RAP1A: variants seen among roughly 807,000 people sequenced by gnomAD.
RAP1A encodes RAP1A, member of RAS oncogene family.
RAP1A carries 6 observed loss-of-function variants against 26.4 expected under a neutral mutation model. That is an observed-to-expected ratio of 0.23 (90% CI 0.12 to 0.45). The LOEUF (loss-of-function observed/expected upper bound fraction) is 0.45. Ranked by LOEUF, RAP1A falls within the 20% of genes least tolerant of loss-of-function variation. The pLI is 0.99. For synonymous variants in RAP1A, 73 were observed against 79.4 expected (o/e 0.92, Z 0.43); for missense variants, 121 against 217.2 (o/e 0.56, Z 2.78).
chr1:111,641,730 A>G (rs1057203307), intron 1 of RAP1A, among the ~76,000 whole-genome samples: 1 of 152,100 alleles, frequency 6.6e-6, no homozygotes, highest in African/African-American at 2.4e-5. Context: ...TTATTCTAGT[A>G]TTGGTTCATC....
intron 1 of RAP1A, among the ~76,000 whole-genome samples, chr1:111,552,910 T>G (rs1657327538): frequency 6.6e-6 from 1 of 152,260 alleles, no homozygotes; most frequent in African/African-American, 2.4e-5. Context: ...TGTTAGGCAC[T>G]AAATGCATCC....
At chr1:111,552,302 C>T (rs1657295611) in intron 1 of RAP1A, among the ~76,000 whole-genome samples, 1 of 152,158 alleles carries the variant, frequency 6.6e-6, no homozygotes, top group South Asian at 2.1e-4. Flanking sequence ...CTTCAAGTGG[C>T]TATCTGCCAC....
intron 1 of RAP1A, among the ~76,000 whole-genome samples, chr1:111,664,384 A>C (rs545637506): frequency 8.7e-5 from 13 of 149,680 alleles, no homozygotes; most frequent in Admixed American, 4.6e-4. Flanking sequence ...AAAAAAAAAA[A>C]AAAAAAAAAA....
chr1:111,660,758 C>T (rs996760174), intron 1 of RAP1A, among the ~76,000 whole-genome samples: 2 of 152,176 alleles, frequency 1.3e-5, no homozygotes, highest in African/African-American at 4.8e-5. Context: ...GCCTAAAAGC[C>T]TGTATTTAGC....
chr1:111,569,642 G>A (rs1658008259), intron 1 of RAP1A, among the ~76,000 whole-genome samples: 3 of 151,958 alleles, frequency 2.0e-5, no homozygotes, highest in South Asian at 4.2e-4. Context: ...TTATGTTTCT[G>A]GGGTTCACTT....
At chr1:111,590,630 G>T in intron 1 of RAP1A, among the ~76,000 whole-genome samples, 1 of 146,518 alleles carries the variant, frequency 6.8e-6, no homozygotes, top group African/African-American at 2.5e-5. Flanking sequence ...TCATTTTGTT[G>T]CCCAGGTTGG....
At chr1:111,680,055 C>T (rs1362736605) in intron 1 of RAP1A, among the ~76,000 whole-genome samples, 4 of 152,168 alleles carry the variant, frequency 2.6e-5, no homozygotes, top group Admixed American at 2.6e-4. Flanking sequence ...GGACAGACTG[C>T]CTCCTTAAGT....
chr1:111,638,251 A>G (rs1397543443), intron 1 of RAP1A, among the ~76,000 whole-genome samples: 1 of 152,152 alleles, frequency 6.6e-6, no homozygotes, highest in Non-Finnish European at 1.5e-5. Context: ...GCTGTATGAT[A>G]CATAGTAATT....
At chr1:111,555,939 T>G (rs1052258148) in intron 1 of RAP1A, among the ~76,000 whole-genome samples, 1 of 152,066 alleles carries the variant, frequency 6.6e-6, no homozygotes, top group African/African-American at 2.4e-5. Flanking sequence ...TTTAAAACAT[T>G]TGTGCATCAA....
At position 111,667,575 on chromosome 1, in the gene RAP1A, G is replaced by A. The variant is rs577905925; in HGVS notation, c.-27-23759G>A. On this transcript the variant is annotated intron_variant, in intron 1 of 7. Transcript: ENST00000369709. ...CCCGCACCTGTAATCACAGCTACTC[G>A]GGAGGCTTAGGCAGGAGAATTGCTT... Among the ~76,000 whole-genome samples the A allele has an allele frequency of 2.3e-4, 35 of 151,976 alleles. 1 individual carries two copies. Among genetic ancestry groups the A allele is most frequent in the Admixed American group, 1.9e-3 (29 of 15,250 alleles).
At chr1:111,613,721 T>G (rs910284660) in intron 1 of RAP1A, among the ~76,000 whole-genome samples, 1 of 152,240 alleles carries the variant, frequency 6.6e-6, no homozygotes, top group Non-Finnish European at 1.5e-5. Context: ...AATCACTTGC[T>G]TGGATATCAC....
chr1:111,664,691 A>G (rs1247718320), intron 1 of RAP1A, among the ~76,000 whole-genome samples: 1 of 152,186 alleles, frequency 6.6e-6, no homozygotes, highest in Non-Finnish European at 1.5e-5. Context: ...CTATGCATAT[A>G]CAAGTTTTAT....
chr1:111,590,717 G>A (rs561042128), intron 1 of RAP1A, among the ~76,000 whole-genome samples: 6 of 151,786 alleles, frequency 4.0e-5, no homozygotes, highest in South Asian at 4.2e-4. Context: ...CACTGCGCCC[G>A]GCCTCTCCAA....
At chr1:111,690,426 C>G (rs1661633808) in intron 1 of RAP1A, among the ~76,000 whole-genome samples, 1 of 152,226 alleles carries the variant, frequency 6.6e-6, no homozygotes, top group Admixed American at 6.5e-5. Context: ...ATATGCTTAG[C>G]TTCCACTTCT....
At chr1:111,592,132 G>T (rs188737772) in intron 1 of RAP1A, among the ~76,000 whole-genome samples, 6 of 152,198 alleles carry the variant, frequency 3.9e-5, no homozygotes, top group African/African-American at 1.4e-4. Context: ...ACTAGAAACG[G>T]ATGGCAAATG....
chr1:111,633,451 A>T (rs946196355), intron 1 of RAP1A, among the ~76,000 whole-genome samples: 37 of 152,258 alleles, frequency 2.4e-4, no homozygotes, highest in African/African-American at 8.9e-4. Flanking sequence ...AAGAAAAACC[A>T]TAGGCAAGTG....
intron 4 of RAP1A, among the ~76,000 whole-genome samples, chr1:111,699,166 C>G (rs1433683468): frequency 6.6e-6 from 1 of 152,128 alleles, no homozygotes; most frequent in Non-Finnish European, 1.5e-5. Context: ...AATCTTGTCT[C>G]AAAATCACTC....
chr1:111,702,008 C>T (rs3767595), intron 4 of RAP1A, among the ~76,000 whole-genome samples: 19,715 of 152,140 alleles, frequency 0.13, 1,618 homozygotes, highest in South Asian at 0.18. Flanking sequence ...ACACCTTAGA[C>T]GAATTTGAAG....
chr1:111,574,642 T>C (rs560632305), intron 1 of RAP1A, among the ~76,000 whole-genome samples: 1 of 152,360 alleles, frequency 6.6e-6, no homozygotes, highest in East Asian at 1.9e-4. Context: ...TGAGCAGCGT[T>C]TTGTAATTCT....
Sources: allele counts gnomAD v4.1 joint callset (sites outside exome capture counted in the v4.1 genomes callset), GRCh38; gene constraint gnomAD v4.1.1; transcripts MANE v1.5; gene names NCBI Gene and HGNC (gene_info 2026-07-23, HGNC 2026-07-21).